PDSS2: variants seen among roughly 807,000 people sequenced by gnomAD.
PDSS2 encodes the protein all trans-polyprenyl-diphosphate synthase PDSS2.
In PDSS2, 31 loss-of-function variants were observed where a neutral mutation model predicts 44.5. The observed-to-expected ratio is 0.70, with a 90% CI of 0.52 to 0.94. The LOEUF (loss-of-function observed/expected upper bound fraction) is 0.94, where lower values mean the gene tolerates loss of function less well. PDSS2 is among the 40% of genes least tolerant of loss of function. The pLI, the probability that PDSS2 is intolerant of heterozygous loss-of-function variation, is 0.00. For synonymous variants in PDSS2, 157 were observed against 180.3 expected (o/e 0.87, Z 1.03); for missense variants, 452 against 482.2 (o/e 0.94, Z 0.59).
intron 1 of PDSS2, among the ~76,000 whole-genome samples, chr6:107,441,718 C>T (rs1781515005): frequency 6.6e-6 from 1 of 152,138 alleles, no homozygotes; most frequent in African/African-American, 2.4e-5. Flanking sequence ...GGGTGCCCTG[C>T]TCAGAATCCA....
At chr6:107,382,195 C>T (rs1206546298) in intron 1 of PDSS2, among the ~76,000 whole-genome samples, 1 of 152,218 alleles carries the variant, frequency 6.6e-6, no homozygotes, top group Admixed American at 6.5e-5. Flanking sequence ...ATCCCCTACA[C>T]CTTTTATAAT....
chr6:107,443,237 C>T (rs1365804521), intron 1 of PDSS2, among the ~76,000 whole-genome samples: 1 of 152,236 alleles, frequency 6.6e-6, no homozygotes, highest in African/African-American at 2.4e-5. Context: ...ACAACCACCA[C>T]AGCCGCCAAA....
At chr6:107,309,422 C>T (rs1254016143) in intron 2 of PDSS2, among the ~76,000 whole-genome samples, 2 of 152,342 alleles carry the variant, frequency 1.3e-5, no homozygotes, top group Non-Finnish European at 1.5e-5. Context: ...ACAGACAACA[C>T]TCTGGCAAGC....
chr6:107,424,865 T>C (rs1157372959), intron 1 of PDSS2, among the ~76,000 whole-genome samples: 1 of 152,210 alleles, frequency 6.6e-6, no homozygotes, highest in Non-Finnish European at 1.5e-5. Context: ...TTGATATGGT[T>C]TGGCTGTGTC....
chr6:107,253,314 G>T (rs1018642733), intron 3 of PDSS2, among the ~76,000 whole-genome samples: 2 of 152,226 alleles, frequency 1.3e-5, no homozygotes, highest in Non-Finnish European at 2.9e-5. Flanking sequence ...GGGATTACAG[G>T]CGTGAGCCAC....
At chr6:107,321,977 T>C (rs1777395406) in intron 2 of PDSS2, among the ~76,000 whole-genome samples, 2 of 152,166 alleles carry the variant, frequency 1.3e-5, no homozygotes, top group Admixed American at 1.3e-4. Context: ...TGATCACTAC[T>C]TTCTCTCTAG....
intron 1 of PDSS2, among the ~76,000 whole-genome samples, chr6:107,344,239 TTATAAAAGAAAAAAACAC>T (rs922769992): frequency 3.7e-4 from 57 of 152,198 alleles, no homozygotes; most frequent in African/African-American, 1.3e-3. Context: ...TATTACTCAG[TTATAAAAGAAAAAAACAC>T]TCCATGAAAA....
intron 1 of PDSS2, among the ~76,000 whole-genome samples, chr6:107,376,762 C>A (rs1040852742): frequency 1.3e-5 from 2 of 151,986 alleles, no homozygotes; most frequent in African/African-American, 2.4e-5. Flanking sequence ...CCTTCTCCTG[C>A]CTAATTGCCC....
At chr6:107,419,144 T>C (rs1020516010) in intron 1 of PDSS2, among the ~76,000 whole-genome samples, 1 of 152,182 alleles carries the variant, frequency 6.6e-6, no homozygotes, top group Non-Finnish European at 1.5e-5. Context: ...CACATACTAA[T>C]GTGCAGCCAG....
At position 107,459,507 on chromosome 6, in the gene PDSS2, C is replaced by T; in HGVS notation, c.-222G>A. The T allele has an allele frequency of 1.7e-6, 1 of 578,584 alleles. No homozygotes were observed. 35.8% of individuals were successfully genotyped at this position (578,584 alleles called of 1,614,324 possible). ...AGTCCCAGCTCAGCACTGCCCCCGG[C>T]CACCCGGGGTAGAAACCACAGCCAC... is the stretch of plus-strand genomic sequence containing the variant. On this transcript the variant is annotated 5_prime_UTR_variant, in exon 1 of 8. Transcript: ENST00000369037. The surrounding 1 kb of genome is among the most constrained non-coding windows in gnomAD (Gnocchi z 4.3).
At chr6:107,413,729 T>C (rs183569667) in intron 1 of PDSS2, among the ~76,000 whole-genome samples, 1 of 152,290 alleles carries the variant, frequency 6.6e-6, no homozygotes, top group East Asian at 1.9e-4. Context: ...CCTCCCAAAG[T>C]GCTGGGATTA....
chr6:107,193,773 A>C, intron 7 of PDSS2, 49 bp downstream of exon 7: 1 of 1,109,694 alleles, frequency 9.0e-7, no homozygotes, highest in Non-Finnish European at 1.4e-6. Flanking sequence ...AAAGCCAAAC[A>C]CCAAATTGAA....
At chr6:107,372,123 T>C (rs1302406427) in intron 1 of PDSS2, among the ~76,000 whole-genome samples, 1 of 152,194 alleles carries the variant, frequency 6.6e-6, no homozygotes, top group African/African-American at 2.4e-5. Context: ...TATTTCCTGA[T>C]GTTATGGACT....
intron 1 of PDSS2, among the ~76,000 whole-genome samples, chr6:107,361,724 T>C (rs1272124509): frequency 1.3e-5 from 2 of 152,170 alleles, no homozygotes; most frequent in African/African-American, 2.4e-5. Flanking sequence ...AATGAGGTGG[T>C]TGACAAATCC....
intron 2 of PDSS2, among the ~76,000 whole-genome samples, chr6:107,279,414 A>T (rs765287201): frequency 6.6e-6 from 1 of 152,188 alleles, no homozygotes; most frequent in Non-Finnish European, 1.5e-5. Context: ...AACAGGCTTA[A>T]TTCTTTTTGT....
intron 7 of PDSS2, among the ~76,000 whole-genome samples, chr6:107,167,409 T>C (rs1215917066): frequency 1.3e-5 from 2 of 152,216 alleles, no homozygotes; most frequent in Non-Finnish European, 2.9e-5. Context: ...ATCAATTTTG[T>C]TGATCTTTTC....
At chr6:107,426,668 C>T (rs1309178343) in intron 1 of PDSS2, among the ~76,000 whole-genome samples, 1 of 152,176 alleles carries the variant, frequency 6.6e-6, no homozygotes, top group Non-Finnish European at 1.5e-5. Flanking sequence ...GGCAGAGCTG[C>T]CCAAGACCAT....
At chr6:107,449,372 T>C (rs1781792069) in intron 1 of PDSS2, among the ~76,000 whole-genome samples, 1 of 152,226 alleles carries the variant, frequency 6.6e-6, no homozygotes, top group African/African-American at 2.4e-5. Context: ...ATTCACAGTG[T>C]TGTATAACCA....
intron 5 of PDSS2, among the ~76,000 whole-genome samples, chr6:107,211,584 G>A (rs1370817865): frequency 6.6e-6 from 1 of 151,910 alleles, no homozygotes; most frequent in Non-Finnish European, 1.5e-5. Context: ...ACAAAAATTA[G>A]CCAGGCGTGG....
Sources: gnomAD v4.1 joint callset for allele counts (sites outside exome capture counted in the v4.1 genomes callset) on GRCh38, gnomAD v4.1.1 for gene constraint, Gnocchi (gnomAD v3.1) non-coding constraint, MANE v1.5 for transcripts, NCBI Gene and HGNC (gene_info 2026-07-23, HGNC 2026-07-21) for gene names.